Variants in HECW2 observed in about 807,000 individuals in gnomAD.
HECW2 encodes E3 ubiquitin-protein ligase HECW2.
HECW2 carries 61 observed loss-of-function variants against 175.2 expected under a neutral mutation model. The observed-to-expected ratio is 0.35, with a 90% CI of 0.28 to 0.43. The LOEUF (loss-of-function observed/expected upper bound fraction) is 0.43. HECW2 is among the 20% of genes least tolerant of loss of function. The probability of loss-of-function intolerance (pLI) is 1.00; values close to 1 mark genes in which losing one functional copy is unlikely to be tolerated. For missense variants in HECW2, 1,524 were observed against 2,000.5 expected, an observed-to-expected ratio of 0.76 and a Z score of 4.54; for synonymous variants, 671 against 731.0, an observed-to-expected ratio of 0.92 and a Z score of 1.32.
chr2:196,345,504 T>A (rs1692923775), intron 2 of HECW2, among the ~76,000 whole-genome samples: 1 of 152,178 alleles, frequency 6.6e-6, no homozygotes, highest in African/African-American at 2.4e-5. Flanking sequence ...AAACTCAACA[T>A]CCTTTTGCTC....
intron 14 of HECW2, among the ~76,000 whole-genome samples, chr2:196,287,516 C>T (rs757269955): frequency 1.4e-4 from 22 of 151,950 alleles, no homozygotes; most frequent in East Asian, 5.8e-4. Flanking sequence ...GGAAATAGTC[C>T]GTATTTAACA....
At chr2:196,493,316 T>C (rs1687267978) in intron 1 of HECW2, 1 of 152,236 alleles carries the variant, frequency 6.6e-6, no homozygotes, top group Non-Finnish European at 1.5e-5. Flanking sequence ...TGCAGTGAGA[T>C]GTGACTGCAC....
intron 1 of HECW2, among the ~76,000 whole-genome samples, chr2:196,568,647 T>C (rs570199573): frequency 6.6e-6 from 1 of 152,300 alleles, no homozygotes; most frequent in African/African-American, 2.4e-5. Context: ...AACTCTGATC[T>C]TTTCCTGGCC....
At chr2:196,529,861 T>A (rs1485201763) in intron 1 of HECW2, among the ~76,000 whole-genome samples, 2 of 152,220 alleles carry the variant, frequency 1.3e-5, no homozygotes, top group Non-Finnish European at 2.9e-5. Context: ...TTCTTTGTCA[T>A]ATCAGCCTGC....
In HECW2 at chr2:196,325,169, A is replaced by C; in HGVS notation, c.572-20T>G. The C allele has an allele frequency of 6.4e-7, 1 of 1,555,350 alleles. No individual in the cohort carries two copies. Among genetic ancestry groups the C allele is most frequent in the Non-Finnish European group, 8.7e-7 (1 of 1,150,254 alleles). On this transcript the variant is annotated intron_variant, in intron 5 of 28. Coordinates refer to ENST00000644978, the MANE Select transcript of HECW2 (RefSeq NM_001348768.2). Reference sequence around the variant, plus strand: ...TAAGATCTTTAAAGAAAGAGGGAGAAGGAGGGAGGGACAAAGAGAAAGCAG... The same window carrying C: ...TAAGATCTTTAAAGAAAGAGGGAGACGGAGGGAGGGACAAAGAGAAAGCAG...
At chr2:196,575,066 G>C (rs1206374499) in intron 1 of HECW2, among the ~76,000 whole-genome samples, 1 of 111,540 alleles carries the variant, frequency 9.0e-6, no homozygotes, top group Non-Finnish European at 1.7e-5. Flanking sequence ...GGGTAACAGA[G>C]CAAGGCCTTG....
At chr2:196,501,244 G>T (rs1687568565) in intron 1 of HECW2, among the ~76,000 whole-genome samples, 1 of 152,102 alleles carries the variant, frequency 6.6e-6, no homozygotes, top group South Asian at 2.1e-4. Flanking sequence ...TCATATTAAA[G>T]AGACAGTTGG....
chr2:196,544,445 C>T (rs575999255), intron 1 of HECW2, among the ~76,000 whole-genome samples: 14 of 152,318 alleles, frequency 9.2e-5, no homozygotes, highest in African/African-American at 3.1e-4. Context: ...CATCCCCTCC[C>T]CTTTCACAGC....
intron 1 of HECW2, among the ~76,000 whole-genome samples, chr2:196,449,337 A>G (rs1244759048): frequency 6.6e-6 from 1 of 152,226 alleles, no homozygotes; most frequent in African/African-American, 2.4e-5. Flanking sequence ...AGGGGCAGAA[A>G]CACTGTGGTA....
chr2:196,524,961 G>A (rs1198286823), intron 1 of HECW2, among the ~76,000 whole-genome samples: 1 of 141,902 alleles, frequency 7.0e-6, no homozygotes, highest in Non-Finnish European at 1.5e-5. Flanking sequence ...CTGTTGATCT[G>A]GGGTGGAGAG....
At chr2:196,511,904 T>G (rs190987238) in intron 1 of HECW2, among the ~76,000 whole-genome samples, 2 of 152,318 alleles carry the variant, frequency 1.3e-5, no homozygotes, top group East Asian at 3.9e-4. Flanking sequence ...TTGGCACCCT[T>G]GCTAACAGGA....
At chr2:196,544,030 A>G (rs568947128) in intron 1 of HECW2, among the ~76,000 whole-genome samples, 2 of 152,334 alleles carry the variant, frequency 1.3e-5, no homozygotes, top group South Asian at 2.1e-4. Context: ...TCCACATTCC[A>G]GGACTCTGCT....
chr2:196,202,888 A>G (rs778500412), intron 28 of HECW2, among the ~76,000 whole-genome samples: 12 of 152,190 alleles, frequency 7.9e-5, no homozygotes, highest in Admixed American at 2.0e-4. Context: ...ATCTTGGGGA[A>G]TGGGACCCAA....
At chr2:196,364,172 C>G (rs1351249231) in intron 2 of HECW2, among the ~76,000 whole-genome samples, 1 of 152,218 alleles carries the variant, frequency 6.6e-6, no homozygotes, top group Non-Finnish European at 1.5e-5. Flanking sequence ...AATACCATAA[C>G]ATTTGGTACA....
chr2:196,540,081 T>C (rs1010564464), intron 1 of HECW2, among the ~76,000 whole-genome samples: 1 of 152,246 alleles, frequency 6.6e-6, no homozygotes, highest in African/African-American at 2.4e-5. Flanking sequence ...GTAGGCTTTT[T>C]AATGTAACAA....
At chr2:196,425,429 T>A (rs1029509700) in intron 2 of HECW2, among the ~76,000 whole-genome samples, 1 of 152,120 alleles carries the variant, frequency 6.6e-6, no homozygotes. Flanking sequence ...CTCTGATGAA[T>A]CTGGGCAAAG....
chr2:196,436,482 C>A (rs934218447), intron 1 of HECW2, among the ~76,000 whole-genome samples: 3 of 151,920 alleles, frequency 2.0e-5, no homozygotes, highest in African/African-American at 7.3e-5. Flanking sequence ...TAACTGTGCT[C>A]CTCCTAAGTG....
At chr2:196,384,028 C>T (rs929341348) in intron 2 of HECW2, among the ~76,000 whole-genome samples, 1 of 152,170 alleles carries the variant, frequency 6.6e-6, no homozygotes, top group Non-Finnish European at 1.5e-5. Context: ...GAGCAACTAG[C>T]TTAGTGCCTG....
At chr2:196,229,343 A>G (rs1687964804) in intron 21 of HECW2, among the ~76,000 whole-genome samples, 1 of 151,350 alleles carries the variant, frequency 6.6e-6, no homozygotes, top group Non-Finnish European at 1.5e-5. Context: ...TTGTTCAGTG[A>G]TAGGATTGTG....
Sources: allele counts gnomAD v4.1 joint callset (sites outside exome capture counted in the v4.1 genomes callset), GRCh38; gene constraint gnomAD v4.1.1; transcripts MANE v1.5; gene names NCBI Gene and HGNC (gene_info 2026-07-23, HGNC 2026-07-21).